Variants in TAFA2 observed in about 807,000 individuals in gnomAD.
TAFA2 encodes the protein chemokine-like protein TAFA-2.
TAFA2 carries 7 observed loss-of-function variants against 18.8 expected under a neutral mutation model. The ratio of observed to expected loss-of-function variants is 0.37; its 90% CI spans 0.21 to 0.70. The LOEUF (loss-of-function observed/expected upper bound fraction) is 0.70. Among genes scored for constraint, TAFA2 ranks in the 30% least tolerant of loss-of-function variants. The pLI is 0.53. For synonymous variants in TAFA2, 60 were observed against 54.2 expected (o/e 1.11, Z -0.47); for missense variants, 122 against 158.1 (o/e 0.77, Z 1.23).
chr12:62,234,621 C>A (rs11615656), intron 1 of TAFA2: 2 of 825,058 alleles, frequency 2.4e-6, no homozygotes, highest in Non-Finnish European at 4.3e-6. Flanking sequence ...GGGCCTCTCA[C>A]CCATGTGCTT....
Position 61,969,089 on chromosome 12 carries a change from C to T in TAFA2, c.-1-101663G>A, listed in dbSNP as rs7980437. ...GAGCAAGTGTTCTGTTTTTCCCTTT[C>T]GAATACGTTGTAAGTTCTTCAAGTC... is the stretch of plus-strand genomic sequence containing the variant. On this transcript the variant is annotated intron_variant, in intron 1 of 4. Coordinates refer to ENST00000416284, the MANE Select transcript of TAFA2 (RefSeq NM_178539.5). Among the ~76,000 whole-genome samples, 344 of 151,746 alleles carry T rather than the reference C, an allele frequency of 2.3e-3. 1 individual carries two copies. The highest frequency in any genetic ancestry group is 7.5e-3 in the African/African-American group (310 of 41,466).
intron 1 of TAFA2, among the ~76,000 whole-genome samples, chr12:62,216,080 T>G (rs2062734701): frequency 6.6e-6 from 1 of 152,162 alleles, no homozygotes; most frequent in Non-Finnish European, 1.5e-5. Context: ...TCAAGGACTT[T>G]TGGACACAGA....
intron 1 of TAFA2, among the ~76,000 whole-genome samples, chr12:62,142,257 G>T (rs2062245615): frequency 6.6e-6 from 1 of 152,098 alleles, no homozygotes; most frequent in Admixed American, 6.5e-5. Flanking sequence ...CACCCCTAAT[G>T]CTCTGCCTGG....
chr12:61,746,005 A>G (rs1446286216), intron 4 of TAFA2, among the ~76,000 whole-genome samples: 1 of 151,910 alleles, frequency 6.6e-6, no homozygotes, highest in Non-Finnish European at 1.5e-5. Flanking sequence ...GGCACCCTGA[A>G]TAAGGCCAGA....
At chr12:62,096,523 C>G (rs1868958509) in intron 1 of TAFA2, among the ~76,000 whole-genome samples, 1 of 152,084 alleles carries the variant, frequency 6.6e-6, no homozygotes, top group Admixed American at 6.6e-5. Context: ...TTAAAAAAGG[C>G]TTTACTAAAT....
intron 1 of TAFA2, among the ~76,000 whole-genome samples, chr12:62,041,960 C>A (rs1881767116): frequency 6.6e-6 from 1 of 151,920 alleles, no homozygotes; most frequent in Non-Finnish European, 1.5e-5. Flanking sequence ...ATATAGCATT[C>A]TTTTTATTAT....
chr12:62,143,862 G>A lies in TAFA2; in HGVS notation c.-2+47397C>T, dbSNP rs1000424581. Among the ~76,000 whole-genome samples, 17 of 147,132 alleles carry A rather than the reference G, an allele frequency of 1.2e-4. No individual in the cohort carries two copies. The East Asian group carries it at 3.3e-3, about 29-fold the overall frequency. On this transcript the variant is annotated intron_variant, in intron 1 of 4. Transcript: ENST00000416284. ...GCTCAAGACCAGCATGGACAAAGTGGCAAAACCCTCTCTCTACAAAAAATA... is the reference window on the plus strand; with the variant it reads ...GCTCAAGACCAGCATGGACAAAGTGACAAAACCCTCTCTCTACAAAAAATA...
intron 2 of TAFA2, among the ~76,000 whole-genome samples, chr12:61,763,268 A>C (rs1385843742): frequency 1.3e-5 from 2 of 152,060 alleles, no homozygotes; most frequent in African/African-American, 4.8e-5. Flanking sequence ...AAAGAAAATG[A>C]AATTTTGGGG....
At chr12:61,909,243 G>T (rs928540513) in intron 1 of TAFA2, among the ~76,000 whole-genome samples, 1 of 152,144 alleles carries the variant, frequency 6.6e-6, no homozygotes, top group African/African-American at 2.4e-5. Flanking sequence ...AGTAACAAAA[G>T]TTTGAGGAAA....
chr12:62,241,304 A>G (rs1267886833), intron 1 of TAFA2, among the ~76,000 whole-genome samples: 1 of 152,202 alleles, frequency 6.6e-6, no homozygotes, highest in Non-Finnish European at 1.5e-5. Context: ...ATGCCATAAA[A>G]CTAATTTTTC....
At chr12:61,934,376 A>C (rs1413944723) in intron 1 of TAFA2, among the ~76,000 whole-genome samples, 2 of 152,216 alleles carry the variant, frequency 1.3e-5, no homozygotes, top group Non-Finnish European at 2.9e-5. Context: ...TCAGAAATTC[A>C]AAATTGGGAA....
chr12:62,170,668 T>A (rs939200487), intron 1 of TAFA2, among the ~76,000 whole-genome samples: 1 of 143,886 alleles, frequency 6.9e-6, no homozygotes, highest in South Asian at 2.3e-4. Context: ...TTTTTTTACA[T>A]CGATACAATG....
At chr12:61,902,356 C>T (rs762362687) in intron 1 of TAFA2, among the ~76,000 whole-genome samples, 4 of 152,284 alleles carry the variant, frequency 2.6e-5, no homozygotes, top group African/African-American at 9.6e-5. Context: ...AGATGGCATA[C>T]AATCAATGCT....
intron 1 of TAFA2, among the ~76,000 whole-genome samples, chr12:61,895,403 C>CT (rs1435217200): frequency 2.6e-5 from 4 of 152,076 alleles, no homozygotes; most frequent in Non-Finnish European, 5.9e-5. Context: ...TACACTACCC[C>CT]TCCCCTAATC....
intron 1 of TAFA2, among the ~76,000 whole-genome samples, chr12:61,941,872 G>A (rs924982748): frequency 6.6e-6 from 1 of 152,194 alleles, no homozygotes; most frequent in African/African-American, 2.4e-5. Context: ...AGCGAGGCTG[G>A]GGGAGGGGCG....
At chr12:61,928,219 A>T (rs1451952702) in intron 1 of TAFA2, among the ~76,000 whole-genome samples, 1 of 152,236 alleles carries the variant, frequency 6.6e-6, no homozygotes, top group Non-Finnish European at 1.5e-5. Context: ...CAGAGTGTAT[A>T]GGCAACCTAC....
intron 1 of TAFA2, among the ~76,000 whole-genome samples, chr12:61,872,881 T>C (rs1442653000): frequency 2.6e-5 from 4 of 151,914 alleles, no homozygotes; most frequent in East Asian, 1.9e-4. Context: ...TCTCTCTCTC[T>C]CCAAATAGCC....
intron 1 of TAFA2, among the ~76,000 whole-genome samples, chr12:61,991,723 T>C (rs1880018062): frequency 6.6e-6 from 1 of 152,214 alleles, no homozygotes; most frequent in Non-Finnish European, 1.5e-5. Flanking sequence ...GTGCTTACTG[T>C]CTGAACTTCC....
At chr12:61,850,112 C>A (rs1873580304) in intron 2 of TAFA2, among the ~76,000 whole-genome samples, 1 of 151,810 alleles carries the variant, frequency 6.6e-6, no homozygotes, top group Admixed American at 6.6e-5. Flanking sequence ...CTGTATAAAT[C>A]ACAGATATAC....
Sources: allele counts gnomAD v4.1 joint callset (sites outside exome capture counted in the v4.1 genomes callset), GRCh38; gene constraint gnomAD v4.1.1; transcripts MANE v1.5; gene names NCBI Gene and HGNC (gene_info 2026-07-23, HGNC 2026-07-21).